The following SH3BP4 variants were observed in gnomAD, a reference collection of about 807,000 sequenced individuals.
SH3BP4 encodes SH3 domain binding protein 4.
SH3BP4 carries 33 observed loss-of-function variants against 65.5 expected under a neutral mutation model. The observed-to-expected ratio is 0.50, with a 90% confidence interval of 0.38 to 0.67. The LOEUF (loss-of-function observed/expected upper bound fraction) is 0.67, where lower values mean the gene tolerates loss of function less well. Ranked by LOEUF, SH3BP4 falls within the 30% of genes least tolerant of loss-of-function variation. The probability of loss-of-function intolerance (pLI) is 0.00; values close to 1 mark genes in which losing one functional copy is unlikely to be tolerated. For missense variants in SH3BP4, 1,134 were observed against 1,261.4 expected (o/e 0.90, Z 1.53); for synonymous variants, 552 against 545.5 (o/e 1.01, Z -0.17).
intron 2 of SH3BP4, among the ~76,000 whole-genome samples, chr2:235,004,666 C>T (rs6710430): frequency 6.6e-6 from 1 of 152,110 alleles, no homozygotes; most frequent in Non-Finnish European, 1.5e-5. Context: ...TCACTGCAGA[C>T]TGTTTCCAGG....
intron 2 of SH3BP4, among the ~76,000 whole-genome samples, chr2:235,008,033 C>T (rs1459415395): frequency 6.6e-6 from 1 of 152,162 alleles, no homozygotes; most frequent in East Asian, 1.9e-4. Context: ...GGGAGAGTCG[C>T]AGCTGGGTGG....
intron 2 of SH3BP4, among the ~76,000 whole-genome samples, chr2:235,019,081 G>A (rs1323564050): frequency 2.0e-5 from 3 of 152,226 alleles, no homozygotes; most frequent in Non-Finnish European, 4.4e-5. Flanking sequence ...GCACCAGGAA[G>A]GAGCAAAGTC....
rs945245055 is a variant in SH3BP4, at chr2:234,977,733, T to G, written c.-206-17570T>G. 2.6e-5 allele frequency among the ~76,000 whole-genome samples: 4 copies of G among 152,134 alleles called. 1 individual carries two copies. The highest frequency in any genetic ancestry group is 9.7e-5 in the African/African-American group (4 of 41,422). ...ACCTGCTCCGTAGATGATTTTTTTT[T>G]GCTTATGCAGTTAGTGCACAGAGTG... is the stretch of plus-strand genomic sequence containing the variant. On this transcript the variant is annotated intron_variant, in intron 1 of 5. Coordinates refer to ENST00000392011, the MANE Select transcript of SH3BP4 (RefSeq NM_014521.3). The surrounding 1 kb of genome is among the most constrained non-coding windows in gnomAD (Gnocchi z 5.1).
At chr2:235,024,659 G>A (rs759915768) in intron 2 of SH3BP4, among the ~76,000 whole-genome samples, 7 of 152,174 alleles carry the variant, frequency 4.6e-5, no homozygotes, top group Admixed American at 3.3e-4. Flanking sequence ...TAAGATGTAT[G>A]TGTGGGGCTG....
At chr2:235,044,238 G>A (rs1186118419) in intron 4 of SH3BP4, among the ~76,000 whole-genome samples, 7 of 152,240 alleles carry the variant, frequency 4.6e-5, no homozygotes, top group African/African-American at 9.6e-5. Flanking sequence ...CAGCACAACC[G>A]TGAACTGGAA....
chr2:235,047,007 G>T (rs189933608), intron 4 of SH3BP4, among the ~76,000 whole-genome samples: 1 of 152,270 alleles, frequency 6.6e-6, no homozygotes, highest in Non-Finnish European at 1.5e-5. Context: ...GCCTCTGTCC[G>T]TGATGGTGTC....
intron 1 of SH3BP4, among the ~76,000 whole-genome samples, chr2:234,954,329 C>G (rs1245008645): frequency 6.6e-6 from 1 of 152,072 alleles, no homozygotes. Flanking sequence ...CCCACAACAA[C>G]AAAGTAATCA....
chr2:235,054,080 A>T lies in SH3BP4; in HGVS notation c.*264A>T, dbSNP rs1574856035. ...AAATTTAAAATCACTTTTTTAACGA[A>T]TGGGGGGAAGGGATCTATGAGAAAG... On this transcript the variant is annotated 3_prime_UTR_variant, in exon 6 of 6. Coordinates refer to ENST00000392011, the MANE Select transcript of SH3BP4 (RefSeq NM_014521.3). 2.4e-6 allele frequency: 1 copy of T among 414,554 alleles called. No individual in the cohort carries two copies. Among genetic ancestry groups the T allele is most frequent in the Non-Finnish European group, 4.3e-6 (1 of 230,398 alleles). The allele number at this position is 414,554 out of a possible 1,614,324, so 25.7% of individuals were successfully genotyped here.
chr2:235,010,867 A>G (rs1694468463), intron 2 of SH3BP4, among the ~76,000 whole-genome samples: 1 of 114,996 alleles, frequency 8.7e-6, no homozygotes, highest in Non-Finnish European at 1.8e-5. Context: ...TCCTAGGAGA[A>G]ACCTTCCTCC....
chr2:234,995,411 A>G (rs537276823), intron 2 of SH3BP4, 35 bp downstream of exon 2: 26 of 152,348 alleles, frequency 1.7e-4, no homozygotes, highest in African/African-American at 6.0e-4. Context: ...GTGGGTTGCC[A>G]TACCTGGACC....
intron 1 of SH3BP4, among the ~76,000 whole-genome samples, chr2:234,980,247 A>G (rs1318591342): frequency 6.6e-6 from 1 of 151,942 alleles, no homozygotes; most frequent in African/African-American, 2.4e-5. Context: ...TGTACTATTT[A>G]TTTTTTCCTA....
intron 2 of SH3BP4, among the ~76,000 whole-genome samples, chr2:235,024,688 A>G (rs1694945165): frequency 6.6e-6 from 1 of 152,210 alleles, no homozygotes; most frequent in South Asian, 2.1e-4. Flanking sequence ...TGCGGTTTTC[A>G]GAATGGCACC....
At chr2:235,051,096 T>C (rs1696036511) in intron 4 of SH3BP4, among the ~76,000 whole-genome samples, 1 of 152,190 alleles carries the variant, frequency 6.6e-6, no homozygotes, top group African/African-American at 2.4e-5. Flanking sequence ...CTGTGCCTTC[T>C]ATGGCAGAGG....
chr2:234,983,079 G>A (rs1446589016), intron 1 of SH3BP4, among the ~76,000 whole-genome samples: 1 of 152,218 alleles, frequency 6.6e-6, no homozygotes, highest in Non-Finnish European at 1.5e-5. Flanking sequence ...AGCTGCTGCT[G>A]AGCACTAGTG....
intron 2 of SH3BP4, among the ~76,000 whole-genome samples, chr2:235,002,021 T>C (rs1292435997): frequency 2.0e-5 from 3 of 151,440 alleles, no homozygotes; most frequent in African/African-American, 7.4e-5. Context: ...CCACCACACC[T>C]GGCTAATTTT....
rs1402993847 is a variant in SH3BP4, at chr2:234,997,489, G to A, written c.-133+2113G>A. Among the ~76,000 whole-genome samples the A allele has an allele frequency of 2.0e-5, 3 of 152,222 alleles. No individual in the cohort carries two copies. Among genetic ancestry groups the A allele is most frequent in the African/African-American group, 4.8e-5 (2 of 41,462 alleles). On this transcript the variant is annotated intron_variant, in intron 2 of 5. Transcript: ENST00000392011. This position sits in a 1 kb window ranked among gnomAD's most constrained non-coding sequence, Gnocchi z 4.2. The stretch of plus-strand genomic sequence containing the variant: ...GGTGTCCTTCAGGATGAAGGAGGCA[G>A]CAGAAATGCTCCCTGACTCAGTTCC...
At position 235,026,743 on chromosome 2, in the gene SH3BP4, G is replaced by A. The variant is rs1455337812; in HGVS notation, c.-132-8128G>A. 5.9e-5 allele frequency among the ~76,000 whole-genome samples: 9 copies of A among 152,090 alleles called. 1 individual carries two copies. The highest frequency in any genetic ancestry group is 8.8e-5 in the Non-Finnish European group (6 of 68,026). On this transcript the variant is annotated intron_variant, in intron 2 of 5. Transcript: ENST00000392011. This position sits in a 1 kb window ranked among gnomAD's most constrained non-coding sequence, Gnocchi z 4.6. ...GTTCCTCATTTTTTCACCCTGTGGC[G>A]TGGTCTTGGCTCTGAATAACCGCTG...
At chr2:235,021,138 G>A (rs1399256655) in intron 2 of SH3BP4, among the ~76,000 whole-genome samples, 2 of 152,102 alleles carry the variant, frequency 1.3e-5, no homozygotes, top group African/African-American at 4.8e-5. Flanking sequence ...GGCCGTCTCT[G>A]CCCTACACTG....
intron 1 of SH3BP4, among the ~76,000 whole-genome samples, chr2:234,970,142 C>T (rs890333837): frequency 1.7e-4 from 26 of 152,150 alleles, no homozygotes; most frequent in Non-Finnish European, 2.1e-4. Flanking sequence ...CACACACTCT[C>T]ACACTCACTC....
Sources: gnomAD v4.1 joint callset for allele counts (sites outside exome capture counted in the v4.1 genomes callset) on GRCh38, gnomAD v4.1.1 for gene constraint, Gnocchi (gnomAD v3.1) non-coding constraint, MANE v1.5 for transcripts, NCBI Gene and HGNC (gene_info 2026-07-23, HGNC 2026-07-21) for gene names.